Variants in KHDRBS2 observed in about 807,000 individuals in gnomAD.
KHDRBS2 encodes the protein KH RNA binding domain containing, signal transduction associated 2.
In KHDRBS2, 26 loss-of-function variants were observed where a neutral mutation model predicts 44.3. The ratio of observed to expected loss-of-function variants is 0.59; its 90% CI spans 0.43 to 0.81. The LOEUF (loss-of-function observed/expected upper bound fraction) is 0.81, where lower values mean the gene tolerates loss of function less well. Ranked by LOEUF, KHDRBS2 falls within the 40% of genes least tolerant of loss-of-function variation. The pLI is 0.00. For synonymous variants in KHDRBS2, 194 were observed against 151.1 expected (o/e 1.28, Z -2.08); for missense variants, 476 against 433.1 (o/e 1.10, Z -0.88).
the KHDRBS2 span, among the ~76,000 whole-genome samples, chr6:61,609,384 A>G: frequency 6.6e-6 from 1 of 152,108 alleles, no homozygotes; most frequent in African/African-American, 2.4e-5. Flanking sequence ...GACAACAAAA[A>G]CATTAAAGTT....
At chr6:61,603,887 T>C in the KHDRBS2 span, among the ~76,000 whole-genome samples, 1 of 152,054 alleles carries the variant, frequency 6.6e-6, no homozygotes, top group Non-Finnish European at 1.5e-5. Flanking sequence ...CATTTCCCCA[T>C]ATTTCCTTCT....
chr6:61,746,252 T>C (rs1776840892), intron 6 of KHDRBS2, among the ~76,000 whole-genome samples: 1 of 152,054 alleles, frequency 6.6e-6, no homozygotes, highest in Non-Finnish European at 1.5e-5. Flanking sequence ...GAAGACGTCA[T>C]CTAAGGTTTA....
chr6:61,683,880 G>A (rs1254601450), intron 8 of KHDRBS2, among the ~76,000 whole-genome samples: 1 of 151,702 alleles, frequency 6.6e-6, no homozygotes, highest in Non-Finnish European at 1.5e-5. Flanking sequence ...AAAGTAAATC[G>A]CCAGCCAAAG....
At chr6:61,628,272 T>C in the KHDRBS2 span, among the ~76,000 whole-genome samples, 1 of 138,488 alleles carries the variant, frequency 7.2e-6, no homozygotes, top group Non-Finnish European at 1.5e-5. Flanking sequence ...CTACTTAAAC[T>C]GGCTTATCTT....
chr6:61,721,525 T>C (rs2127555647), intron 7 of KHDRBS2, among the ~76,000 whole-genome samples: 1 of 142,616 alleles, frequency 7.0e-6, no homozygotes, highest in African/African-American at 2.5e-5. Flanking sequence ...CTAGGTATTT[T>C]ATTCTCTTTG....
At chr6:61,877,317 A>C (rs574740526) in intron 6 of KHDRBS2, among the ~76,000 whole-genome samples, 15 of 152,176 alleles carry the variant, frequency 9.9e-5, no homozygotes, top group African/African-American at 3.4e-4. Context: ...ATTAGAAAAA[A>C]GATAATTACA....
At chr6:61,842,071 T>C (rs1793686204) in intron 6 of KHDRBS2, among the ~76,000 whole-genome samples, 1 of 152,176 alleles carries the variant, frequency 6.6e-6, no homozygotes, top group Admixed American at 6.5e-5. Flanking sequence ...CCTCACTCTA[T>C]GTGTTCTTGG....
intron 1 of KHDRBS2, among the ~76,000 whole-genome samples, chr6:62,208,192 T>C (rs1185178799): frequency 6.6e-6 from 1 of 152,202 alleles, no homozygotes; most frequent in Non-Finnish European, 1.5e-5. Flanking sequence ...TGTTCATCCA[T>C]GTAGTAACAA....
intron 1 of KHDRBS2, among the ~76,000 whole-genome samples, chr6:62,209,806 A>T (rs184297619): frequency 4.1e-4 from 63 of 152,262 alleles, no homozygotes; most frequent in Admixed American, 2.4e-3. Flanking sequence ...CCTGTGCATG[A>T]TGCTTCCTGC....
chr6:61,801,235 T>C (rs1453452686), intron 6 of KHDRBS2, among the ~76,000 whole-genome samples: 1 of 152,166 alleles, frequency 6.6e-6, no homozygotes, highest in Admixed American at 6.6e-5. Flanking sequence ...CAGAGCACTT[T>C]TATTTTGCCA....
chr6:61,841,098 A>G (rs537764620), intron 6 of KHDRBS2, among the ~76,000 whole-genome samples: 1 of 152,330 alleles, frequency 6.6e-6, no homozygotes, highest in African/African-American at 2.4e-5. Flanking sequence ...AATAAAAAGA[A>G]AAGAAAGCTT....
intron 7 of KHDRBS2, among the ~76,000 whole-genome samples, chr6:61,713,697 T>C (rs149482582): frequency 1.3e-5 from 2 of 151,138 alleles, no homozygotes; most frequent in African/African-American, 2.4e-5. Context: ...AATATACACA[T>C]AGATCAATGA....
chr6:62,201,141 G>A (rs540642208), intron 1 of KHDRBS2, among the ~76,000 whole-genome samples: 7 of 152,014 alleles, frequency 4.6e-5, no homozygotes, highest in Non-Finnish European at 7.4e-5. Flanking sequence ...ATTAAATGGT[G>A]AGTTAATGGG....
intron 6 of KHDRBS2, among the ~76,000 whole-genome samples, chr6:61,774,384 T>C (rs1031712527): frequency 1.3e-5 from 2 of 152,154 alleles, no homozygotes; most frequent in Admixed American, 1.3e-4. Context: ...CATGATTGTA[T>C]ATCTAGAAAA....
At chr6:61,869,364 A>G (rs905202433) in intron 6 of KHDRBS2, among the ~76,000 whole-genome samples, 7 of 152,202 alleles carry the variant, frequency 4.6e-5, no homozygotes, top group African/African-American at 1.7e-4. Flanking sequence ...ATATTTGATG[A>G]CATATAATTA....
intron 3 of KHDRBS2, among the ~76,000 whole-genome samples, chr6:62,039,295 C>T (rs1299304184): frequency 2.0e-5 from 3 of 150,646 alleles, no homozygotes; most frequent in African/African-American, 7.3e-5. Context: ...AACACACACA[C>T]CCCTCTAGAA....
intron 3 of KHDRBS2, among the ~76,000 whole-genome samples, chr6:62,040,887 A>T (rs1786339137): frequency 3.3e-5 from 5 of 152,098 alleles, no homozygotes; most frequent in Admixed American, 6.6e-5. Flanking sequence ...AGGGGAAGAG[A>T]ATTGGACCCT....
rs542480606 is a variant in KHDRBS2 at position 61,747,125 on chromosome 6, T to TG, written c.811-14362dup. On this transcript the variant is annotated intron_variant, in intron 6 of 8. Coordinates refer to ENST00000281156, the MANE Select transcript of KHDRBS2 (RefSeq NM_152688.4). ...GACATTTATGTGGCCAACAAACATA[T>TG]GAAAAAAAAAGCTCATCATTTCTTT... 1.6e-4 allele frequency among the ~76,000 whole-genome samples: 24 copies of TG among 151,904 alleles called. No homozygotes were observed. The East Asian group carries it at 3.9e-3, about 24-fold the overall frequency.
At chr6:61,694,949 T>C (rs1268329541) in intron 8 of KHDRBS2, among the ~76,000 whole-genome samples, 1 of 152,178 alleles carries the variant, frequency 6.6e-6, no homozygotes, top group Non-Finnish European at 1.5e-5. Context: ...ATTTGATTAG[T>C]GCTAGAGAAA....
Sources: gnomAD v4.1 joint callset for allele counts (sites outside exome capture counted in the v4.1 genomes callset) on GRCh38, gnomAD v4.1.1 for gene constraint, MANE v1.5 for transcripts, NCBI Gene and HGNC (gene_info 2026-07-23, HGNC 2026-07-21) for gene names.